The following ATRN variants were observed in gnomAD, a reference collection of about 807,000 sequenced individuals.
ATRN encodes the protein attractin.
In ATRN, 54 loss-of-function variants were observed where a neutral mutation model predicts 178.7. The observed-to-expected ratio is 0.30, with a 90% CI of 0.24 to 0.38. The LOEUF is 0.38. ATRN is among the 10% of genes least tolerant of loss of function. ATRN has a pLI of 1.00. For synonymous variants in ATRN, 636 were observed against 663.0 expected (o/e 0.96, Z 0.63); for missense variants, 1,443 against 1,815.1 (o/e 0.79, Z 3.73).
At chr20:3,602,141 C>A (rs2086618339) in intron 23 of ATRN, among the ~76,000 whole-genome samples, 2 of 151,912 alleles carry the variant, frequency 1.3e-5, no homozygotes, top group African/African-American at 4.8e-5. Flanking sequence ...ACCAGCCTGG[C>A]CAACATGGTG....
In ATRN at chr20:3,471,503, CG is replaced by C. The variant is rs2146046616; in HGVS notation, c.401del (p.Gly134AlafsTer5). 3 of 1,402,872 alleles carry C rather than the reference CG, an allele frequency of 2.1e-6. No homozygotes were observed. The highest frequency in any genetic ancestry group is 2.8e-6 in the Non-Finnish European group (3 of 1,086,890). 86.9% of individuals were successfully genotyped at this position (1,402,872 alleles called of 1,614,324 possible). ...GWVGEQCQHC[G>X]GRFRLTGSSG... ...GGGTGGGCGAGCAATGCCAGCACTG[CG>C]GGGGCCGCTTCAGGTGAGTGGCGGG... is the stretch of plus-strand genomic sequence containing the variant. On this transcript the variant is annotated frameshift_variant, in exon 1 of 29. Coordinates refer to ENST00000262919, the MANE Select transcript of ATRN (RefSeq NM_139321.3). LOFTEE classifies it high-confidence loss of function.
At chr20:3,497,309 C>G (rs1364961634) in intron 1 of ATRN, among the ~76,000 whole-genome samples, 2 of 151,644 alleles carry the variant, frequency 1.3e-5, no homozygotes, top group East Asian at 3.9e-4. Flanking sequence ...CCGGTTGTTC[C>G]TTTCCATGTT....
intron 6 of ATRN, among the ~76,000 whole-genome samples, chr20:3,553,150 G>A (rs1209894220): frequency 6.6e-6 from 1 of 151,920 alleles, no homozygotes; most frequent in African/African-American, 2.4e-5. Context: ...ATCACCTCTA[G>A]TGCTGCCACC....
At chr20:3,624,596 C>T (rs572050291) in intron 25 of ATRN, 24 bp downstream of exon 25, 3 of 1,583,316 alleles carry the variant, frequency 1.9e-6, no homozygotes, top group African/African-American at 2.7e-5. Flanking sequence ...TACAGACTCT[C>T]TCTGTTCTTT....
rs773327296 is a variant in ATRN at position 3,540,318 on chromosome 20, G to C, written c.591G>C (p.Pro197=). 1 of 1,600,288 alleles carries C rather than the reference G, an allele frequency of 6.2e-7. No individual in the cohort carries two copies. The highest frequency in any genetic ancestry group is 1.7e-5 in the Admixed American group (1 of 59,186). The part of the protein sequence containing the change: ...YVYDGDSIYA[P]LVAAFSGLIV... ...ATGATGGGGACTCAATTTATGCACC[G>C]CTAGTTGCTGCATTTAGGTAAGCTC... is the stretch of plus-strand genomic sequence containing the variant. The change falls in exon 3 of 29, where the codon CCG becomes CCC. Residue 197 remains proline (P), a synonymous_variant. Coordinates refer to ENST00000262919, the MANE Select transcript of ATRN (RefSeq NM_139321.3).
intron 1 of ATRN, chr20:3,490,195 G>A (rs1218715498): frequency 1.3e-5 from 19 of 1,518,952 alleles, no homozygotes; most frequent in South Asian, 3.4e-5. Flanking sequence ...TCTACGGTCC[G>A]CCACATTTCA....
intron 28 of ATRN, 126 bp downstream of exon 28, chr20:3,644,394 G>C (rs766362077): frequency 1.1e-5 from 9 of 806,568 alleles, no homozygotes; most frequent in Non-Finnish European, 1.8e-5. Flanking sequence ...CCATGCCATG[G>C]CAAGGATTCA....
Position 3,578,599 on chromosome 20 carries a change from G to C in ATRN, c.2371G>C (p.Gly791Arg). Residue 791 changes from glycine (G) to arginine (R), a missense_variant, in exon 15 of 29, where the codon GGC becomes CGC. Physicochemically the swap from Gly to Arg is moderately radical, Grantham distance 125 (BLOSUM62 -2). Around this residue, in one of 4 missense-constraint regions of ATRN, gnomAD observed 212 missense variants for 330.7 expected, o/e 0.64. Transcript: ENST00000262919. ...AATGAAAGAAAATATCTGTGGCATT[G>C]GCTGGCATTTGGTTGGAAACTCATG... is the stretch of plus-strand genomic sequence containing the variant. The part of the protein sequence containing the change: ...IALPENICGI[G>R]WHLVGNSCLK... 6.2e-7 allele frequency: 1 copy of C among 1,605,874 alleles called. No individual in the cohort carries two copies. Among genetic ancestry groups the C allele is most frequent in the Non-Finnish European group, 8.5e-7 (1 of 1,175,424 alleles).
intron 15 of ATRN, among the ~76,000 whole-genome samples, chr20:3,579,097 G>A (rs2086248651): frequency 6.6e-6 from 1 of 152,124 alleles, no homozygotes; most frequent in African/African-American, 2.4e-5. Flanking sequence ...AGAAAGAGAG[G>A]TCACTGATAA....
intron 1 of ATRN, among the ~76,000 whole-genome samples, chr20:3,534,785 GAGACTCTGTTTCTA>G (rs1354675330): frequency 6.6e-6 from 1 of 152,124 alleles, no homozygotes; most frequent in Non-Finnish European, 1.5e-5. Context: ...GCAACATCGT[GAGACTCTGTTTCTA>G]CAAAAAATAA....
chr20:3,512,107 A>ATATATATATATATTTTT, intron 1 of ATRN, among the ~76,000 whole-genome samples: 115 of 106,264 alleles, frequency 1.1e-3, no homozygotes, highest in Admixed American at 1.6e-3. Context: ...ATATATATAT[A>ATATATATATATATTTTT]TTTTTTTTTT....
At chr20:3,524,223 CA>C (rs1463812364) in intron 1 of ATRN, among the ~76,000 whole-genome samples, 1 of 128,872 alleles carries the variant, frequency 7.8e-6, no homozygotes, top group African/African-American at 3.2e-5. Flanking sequence ...ATTTACCAAG[CA>C]AATGGAAGCC....
intron 1 of ATRN, among the ~76,000 whole-genome samples, chr20:3,483,815 T>G (rs2084655190): frequency 6.6e-6 from 1 of 152,144 alleles, no homozygotes; most frequent in South Asian, 2.1e-4. Flanking sequence ...AAAAACAGAT[T>G]TATAGAGTTG....
intron 18 of ATRN, among the ~76,000 whole-genome samples, chr20:3,586,381 A>C (rs1308634170): frequency 6.6e-6 from 1 of 152,124 alleles, no homozygotes; most frequent in African/African-American, 2.4e-5. Context: ...CCAAAGACAG[A>C]AAGTAGATGT....
chr20:3,627,647 A>G (rs2086953083), intron 25 of ATRN, among the ~76,000 whole-genome samples: 1 of 152,236 alleles, frequency 6.6e-6, no homozygotes, highest in Non-Finnish European at 1.5e-5. Context: ...ATTCCTCCAA[A>G]TCCCGCAGAC....
intron 21 of ATRN, among the ~76,000 whole-genome samples, chr20:3,596,796 A>C (rs1413162894): frequency 6.6e-6 from 1 of 152,058 alleles, no homozygotes; most frequent in East Asian, 1.9e-4. Context: ...TTCTTACAAT[A>C]TGGTTGAACT....
rs144502251 is a variant in ATRN at position 3,531,633 on chromosome 20, G to A, written c.411-3620G>A. Among the ~76,000 whole-genome samples, 5 of 152,308 alleles carry A rather than the reference G, an allele frequency of 3.3e-5. No homozygotes were observed. In the East Asian group the frequency reaches 9.6e-4, roughly 29 times the overall value. Reference sequence around the variant, plus strand: ...TTTTGTTGAGTGAGCAAAGAAAGATGCAGAAAAGTATATAATAATTTGTGT... The same window carrying A: ...TTTTGTTGAGTGAGCAAAGAAAGATACAGAAAAGTATATAATAATTTGTGT... On this transcript the variant is annotated intron_variant, in intron 1 of 28. Coordinates refer to ENST00000262919, the MANE Select transcript of ATRN (RefSeq NM_139321.3).
intron 1 of ATRN, among the ~76,000 whole-genome samples, chr20:3,530,629 G>A (rs1343025449): frequency 6.6e-6 from 1 of 151,878 alleles, no homozygotes; most frequent in Non-Finnish European, 1.5e-5. Flanking sequence ...ATGAAAATAC[G>A]AGTATAAGGA....
intron 1 of ATRN, among the ~76,000 whole-genome samples, chr20:3,519,018 AAAG>A (rs747879012): frequency 0.035 from 5,262 of 150,606 alleles, 243 homozygotes; most frequent in Non-Finnish European, 0.055. Context: ...AAAAAAAAAA[AAAG>A]AAAGAAAACT....
Sources: allele counts gnomAD v4.1 joint callset (sites outside exome capture counted in the v4.1 genomes callset), GRCh38; gene constraint gnomAD v4.1.1; regional missense constraint gnomAD v4.1.1; transcripts MANE v1.5; gene names NCBI Gene and HGNC (gene_info 2026-07-23, HGNC 2026-07-21).